BMPR1A: variants seen among roughly 807,000 people sequenced by gnomAD.
The protein encoded by BMPR1A is bone morphogenetic protein receptor type-1A.
BMPR1A carries 7 observed loss-of-function variants against 66.0 expected under a neutral mutation model. The ratio of observed to expected loss-of-function variants is 0.11; its 90% confidence interval spans 0.06 to 0.20. The LOEUF (loss-of-function observed/expected upper bound fraction) is 0.20, where lower values mean the gene tolerates loss of function less well. BMPR1A is among the 10% of genes least tolerant of loss of function. BMPR1A has a pLI of 1.00. For missense variants in BMPR1A, 408 were observed against 669.1 expected, an observed-to-expected ratio of 0.61 and a Z score of 4.31; for synonymous variants, 200 against 229.7, an observed-to-expected ratio of 0.87 and a Z score of 1.17.
At chr10:86,792,721 A>C (rs1841646199) in intron 1 of BMPR1A, among the ~76,000 whole-genome samples, 1 of 152,204 alleles carries the variant, frequency 6.6e-6, no homozygotes. Flanking sequence ...ATGCAGGGCA[A>C]ATGTACTGGA....
intron 4 of BMPR1A, among the ~76,000 whole-genome samples, chr10:86,891,196 TAG>T (rs1843145947): frequency 6.6e-6 from 1 of 152,190 alleles, no homozygotes; most frequent in African/African-American, 2.4e-5. Context: ...TGACTGTGAC[TAG>T]TTGTTCATTT....
chr10:86,841,692 C>A (rs1342487328), intron 2 of BMPR1A, among the ~76,000 whole-genome samples: 1 of 152,132 alleles, frequency 6.6e-6, no homozygotes, highest in African/African-American at 2.4e-5. Flanking sequence ...TAGATGACAG[C>A]CCCCTAGGTA....
intron 1 of BMPR1A, among the ~76,000 whole-genome samples, chr10:86,811,649 C>G (rs1424196097): frequency 6.6e-6 from 1 of 152,148 alleles, no homozygotes; most frequent in African/African-American, 2.4e-5. Context: ...GTCTATCTTA[C>G]AGGCAGTCAG....
At chr10:86,811,318 C>T (rs147884731) in intron 1 of BMPR1A, among the ~76,000 whole-genome samples, 3,458 of 152,262 alleles carry the variant, frequency 0.023, 140 homozygotes, top group African/African-American at 0.08. Flanking sequence ...GGATTACAGG[C>T]GTGAGCCACC....
At chr10:86,891,135 C>G (rs868504489) in intron 4 of BMPR1A, among the ~76,000 whole-genome samples, 1 of 152,162 alleles carries the variant, frequency 6.6e-6, no homozygotes, top group South Asian at 2.1e-4. Context: ...TGACGGTCAT[C>G]GTGTCTTAGG....
intron 11 of BMPR1A, 134 bp from the exon 12 acceptor site, chr10:86,923,242 T>TATATA (rs1554891541): frequency 3.3e-6 from 4 of 1,203,812 alleles, no homozygotes; most frequent in Non-Finnish European, 3.6e-6. Flanking sequence ...CTATTAAGAG[T>TATATA]GAATCATAGT....
intron 3 of BMPR1A, 55 bp downstream of exon 3, chr10:86,876,140 T>TTG (rs1239840102): frequency 1.3e-6 from 2 of 1,509,778 alleles, no homozygotes; most frequent in African/African-American, 2.8e-5. Flanking sequence ...GCACTATTTC[T>TTG]TGCTTCTGTT....
intron 1 of BMPR1A, among the ~76,000 whole-genome samples, chr10:86,791,711 C>CCCTTCCTTCCTTCCTTCCTT (rs765110217): frequency 1.8e-4 from 10 of 56,434 alleles, no homozygotes; most frequent in African/African-American, 6.4e-4. Context: ...CTCCCTCCCT[C>CCCTTCCTTCCTTCCTTCCTT]CCTTCCTTCC....
chr10:86,836,049 T>G (rs2133094347), intron 1 of BMPR1A, among the ~76,000 whole-genome samples: 1 of 152,378 alleles, frequency 6.6e-6, no homozygotes, highest in East Asian at 1.9e-4. Flanking sequence ...TTTCTACAAC[T>G]AATAGGCTTA....
chr10:86,854,743 C>T, intron 2 of BMPR1A: 1 of 232,928 alleles, frequency 4.3e-6, no homozygotes. Flanking sequence ...ACGTATCATC[C>T]TCTATAAAAC....
At chr10:86,801,542 CCT>C (rs1841810554) in intron 1 of BMPR1A, among the ~76,000 whole-genome samples, 1 of 152,098 alleles carries the variant, frequency 6.6e-6, no homozygotes, top group Non-Finnish European at 1.5e-5. Flanking sequence ...AGTCATTACC[CCT>C]GTTTTTGGTT....
At chr10:86,841,038 G>A (rs1799645573) in intron 2 of BMPR1A, among the ~76,000 whole-genome samples, 1 of 152,126 alleles carries the variant, frequency 6.6e-6, no homozygotes, top group South Asian at 2.1e-4. Flanking sequence ...TGTATTGTCG[G>A]TGACACTTTG....
At chr10:86,832,190 G>T (rs1026893051) in intron 1 of BMPR1A, among the ~76,000 whole-genome samples, 1 of 152,046 alleles carries the variant, frequency 6.6e-6, no homozygotes, top group African/African-American at 2.4e-5. Flanking sequence ...GAAAAAGGCC[G>T]GGCGCGGTGG....
rs863224393 is a variant in BMPR1A at position 86,919,392 on chromosome 10, A to G, written c.1089A>G (p.Leu363=). 9 of 1,612,948 alleles carry G rather than the reference A, an allele frequency of 5.6e-6. No homozygotes were observed. Among genetic ancestry groups the G allele is most frequent in the Non-Finnish European group, 7.6e-6 (9 of 1,179,804 alleles). Residue 363 remains leucine (L), a synonymous_variant, in exon 10 of 13, where the codon CTA becomes CTG. Coordinates refer to ENST00000372037, the MANE Select transcript of BMPR1A (RefSeq NM_004329.3). ...AGCCCGCAATTGCTCATCGAGACCT[A>G]AAGAGCAAAAACATCCTCATCAAGA... ...QGKPAIAHRD[L]KSKNILIKKN... is the part of the protein sequence containing the mutation.
At chr10:86,911,514 A>G (rs1451970658) in intron 7 of BMPR1A, among the ~76,000 whole-genome samples, 36 of 152,190 alleles carry the variant, frequency 2.4e-4, no homozygotes, top group Non-Finnish European at 1.5e-4. Context: ...TGGGAGGCCA[A>G]CATGGCAGAT....
At chr10:86,873,106 G>A (rs1400522797) in intron 2 of BMPR1A, among the ~76,000 whole-genome samples, 2 of 152,140 alleles carry the variant, frequency 1.3e-5, no homozygotes, top group Non-Finnish European at 2.9e-5. Flanking sequence ...GGGTGCCTTG[G>A]TTGTGGCTCT....
chr10:86,758,486 A>G (rs756270363), intron 1 of BMPR1A, among the ~76,000 whole-genome samples: 11 of 150,420 alleles, frequency 7.3e-5, no homozygotes, highest in South Asian at 2.1e-4. Flanking sequence ...TGGGTTCTTT[A>G]AAGTACAAAT....
At chr10:86,765,989 C>CTTTTTTTTTTTTTTT (rs67035271) in intron 1 of BMPR1A, among the ~76,000 whole-genome samples, 171 of 131,748 alleles carry the variant, frequency 1.3e-3, no homozygotes, top group East Asian at 3.8e-3. Context: ...TTTCCTCATT[C>CTTTTTTTTTTTTTTT]TTTTTTTTTT....
intron 2 of BMPR1A, among the ~76,000 whole-genome samples, chr10:86,865,088 CCT>C (rs771849658): frequency 1.4e-3 from 219 of 152,300 alleles, no homozygotes; most frequent in Non-Finnish European, 2.5e-3. Flanking sequence ...CATCGTATCC[CCT>C]GTGACTTGCA....
Sources: allele counts gnomAD v4.1 joint callset (sites outside exome capture counted in the v4.1 genomes callset), GRCh38; gene constraint gnomAD v4.1.1; transcripts MANE v1.5; gene names NCBI Gene and HGNC (gene_info 2026-07-23, HGNC 2026-07-21).